FSD1: variants seen among roughly 807,000 people sequenced by gnomAD.
FSD1 encodes the protein fibronectin type III and SPRY domain containing 1, also known as fibronectin type III and SPRY domain-containing protein 1.
FSD1 carries 23 observed loss-of-function variants against 58.2 expected under a neutral mutation model. That is an observed-to-expected ratio of 0.40 (90% CI 0.28 to 0.56). The LOEUF (loss-of-function observed/expected upper bound fraction) is 0.56, where lower values mean the gene tolerates loss of function less well. Ranked by LOEUF, FSD1 falls within the 20% of genes least tolerant of loss-of-function variation. The pLI, the probability that FSD1 is intolerant of heterozygous loss-of-function variation, is 0.54. For synonymous variants in FSD1, 265 were observed against 263.4 expected (o/e 1.01, Z -0.06); for missense variants, 563 against 670.8 (o/e 0.84, Z 1.78).
chr19:4,313,143 C>T (rs1360881159), intron 7 of FSD1, among the ~76,000 whole-genome samples: 1 of 147,742 alleles, frequency 6.8e-6, no homozygotes, highest in Non-Finnish European at 1.5e-5. Context: ...AGGCCAGGAG[C>T]TGGAGACCAG....
intron 1 of FSD1, 51 bp from the exon 2 acceptor site, chr19:4,305,895 T>C (rs766984864): frequency 7.5e-7 from 1 of 1,330,548 alleles, no homozygotes; most frequent in South Asian, 1.2e-5. Context: ...TGTACCTGTG[T>C]GCGCACATGT....
chr19:4,304,782 GCGGGCCCGCAGGGGCGTC>G, intron 1 of FSD1, 21 bp downstream of exon 1: 2 of 621,012 alleles, frequency 3.2e-6, no homozygotes, highest in Non-Finnish European at 4.6e-6. Flanking sequence ...GTGGGGCAGG[GCGGGCCCGCAGGGGCGTC>G]GGGGGCGGGG....
intron 7 of FSD1, among the ~76,000 whole-genome samples, chr19:4,316,344 C>T (rs1020657146): frequency 2.6e-5 from 4 of 151,866 alleles, no homozygotes; most frequent in Non-Finnish European, 5.9e-5. Context: ...TCCGCAGCCT[C>T]CTGAGTAGCT....
At chr19:4,312,820 A>T (rs1026111728) in intron 7 of FSD1, among the ~76,000 whole-genome samples, 10 of 149,500 alleles carry the variant, frequency 6.7e-5, no homozygotes, top group African/African-American at 7.5e-5. Flanking sequence ...ATAAATAAAT[A>T]AATAAATAAA....
chr19:4,312,214 C>G (rs746674613), intron 7 of FSD1, among the ~76,000 whole-genome samples, 163 bp downstream of exon 7: 1 of 152,156 alleles, frequency 6.6e-6, no homozygotes, highest in South Asian at 2.1e-4. Flanking sequence ...AGTGGCCAGG[C>G]GCGGTGGCTC....
At chr19:4,310,340 G>C (rs757101077) in intron 5 of FSD1, 45 bp downstream of exon 5, 6 of 1,610,538 alleles carry the variant, frequency 3.7e-6, no homozygotes, top group Admixed American at 3.3e-5. Flanking sequence ...CCTGCCCCTG[G>C]TGTGAAGACA....
chr19:4,306,467 T>C (rs1971623840), intron 3 of FSD1, 138 bp downstream of exon 3: 2 of 719,418 alleles, frequency 2.8e-6, no homozygotes, highest in African/African-American at 1.8e-5. Flanking sequence ...ACCTGTACAC[T>C]CTCTCTTTTT....
chr19:4,314,418 A>G (rs1219389109), intron 7 of FSD1, among the ~76,000 whole-genome samples: 1 of 152,156 alleles, frequency 6.6e-6, no homozygotes, highest in South Asian at 2.1e-4. Flanking sequence ...AACAAAAAGT[A>G]CAGTGAGGAC....
Position 4,305,815 on chromosome 19 carries a change from T to C in FSD1, c.16-131T>C, listed in dbSNP as rs567479959. 260 of 702,932 alleles carry C rather than the reference T, an allele frequency of 3.7e-4. 1 individual carries two copies. The highest frequency in any genetic ancestry group is 3.4e-3 in the African/African-American group (196 of 58,452). The allele number at this position is 702,932 out of a possible 1,614,324, so 43.5% of individuals were successfully genotyped here. The stretch of plus-strand genomic sequence containing the variant: ...GTGTGCGCATGTGTGTGCATGTGTG[T>C]GCGCACGCGTGTGCATTTATGTACG... On this transcript the variant is annotated intron_variant, in intron 1 of 12. Coordinates refer to ENST00000221856, the MANE Select transcript of FSD1 (RefSeq NM_024333.3).
At chr19:4,317,092 G>A (rs1454123504) in intron 7 of FSD1, 90 bp from the exon 8 acceptor site, 3 of 785,012 alleles carry the variant, frequency 3.8e-6, no homozygotes, top group South Asian at 2.8e-5. Flanking sequence ...AATGGCGTTG[G>A]GAATCACTGT....
intron 7 of FSD1, among the ~76,000 whole-genome samples, chr19:4,313,173 G>A (rs1426856076): frequency 6.7e-6 from 1 of 149,102 alleles, no homozygotes; most frequent in Admixed American, 6.7e-5. Flanking sequence ...CAAAGCAAGA[G>A]CCCATCTATA....
Position 4,311,963 on chromosome 19 carries a change from G to A in FSD1, c.612G>A (p.Arg204=). Residue 204 remains arginine, a synonymous_variant, in exon 7 of 13, where the codon CGG becomes CGA. Coordinates refer to ENST00000221856, the MANE Select transcript of FSD1 (RefSeq NM_024333.3). ...ACCACTACGTGCTGGAGTACCGGCGGACCAACTTCGAGGGCCCGCCCCGCC... is the reference window on the plus strand; with the variant it reads ...ACCACTACGTGCTGGAGTACCGGCGAACCAACTTCGAGGGCCCGCCCCGCC... The part of the protein sequence containing the change: ...KIDHYVLEYR[R]TNFEGPPRLK... 6.2e-7 allele frequency: 1 copy of A among 1,611,636 alleles called. No individual in the cohort carries two copies. Among genetic ancestry groups the A allele is most frequent in the Non-Finnish European group, 8.5e-7 (1 of 1,179,946 alleles).
At chr19:4,315,641 C>T (rs1488216595) in intron 7 of FSD1, among the ~76,000 whole-genome samples, 4 of 118,736 alleles carry the variant, frequency 3.4e-5, no homozygotes, top group Non-Finnish European at 6.8e-5. Flanking sequence ...GTTGCAGTCT[C>T]GCTCTGTCAC....
intron 4 of FSD1, among the ~76,000 whole-genome samples, chr19:4,309,874 A>G (rs866209480): frequency 4.0e-5 from 6 of 148,690 alleles, no homozygotes; most frequent in Admixed American, 1.4e-4. Context: ...GTGCCACTGC[A>G]CTCCAGCCTG....
chr19:4,316,337 G>A (rs1009906419), intron 7 of FSD1, among the ~76,000 whole-genome samples: 2 of 150,434 alleles, frequency 1.3e-5, no homozygotes, highest in Admixed American at 6.6e-5. Flanking sequence ...TTCTCCTTCC[G>A]CAGCCTCCTG....
Position 4,323,707 on chromosome 19 carries a change from G to A in FSD1, c.*64G>A. On this transcript the variant is annotated 3_prime_UTR_variant, in exon 13 of 13. Coordinates refer to ENST00000221856, the MANE Select transcript of FSD1 (RefSeq NM_024333.3). The surrounding 1 kb of genome is among the most constrained non-coding windows in gnomAD (Gnocchi z 7.7). ...AGTCGCCGCCAAGCCCAGGCTGCTG[G>A]AGCCAGGCACCCTCCTCTGTCACTT... 2.6e-6 allele frequency: 3 copies of A among 1,148,500 alleles called. No individual in the cohort carries two copies. The highest frequency in any genetic ancestry group is 3.8e-6 in the Non-Finnish European group (3 of 793,512). The allele number at this position is 1,148,500 out of a possible 1,614,324, so 71.1% of individuals were successfully genotyped here.
At chr19:4,310,161 G>A (rs957396703) in intron 4 of FSD1, 112 bp from the exon 5 acceptor site, 143 of 1,163,224 alleles carry the variant, frequency 1.2e-4, no homozygotes, top group Non-Finnish European at 1.9e-5. Flanking sequence ...GGAGGTGGAG[G>A]TTGCAGTGAG....
At position 4,323,579 on chromosome 19, in the gene FSD1, G is replaced by C; in HGVS notation, c.1427G>C (p.Ser476Thr). The C allele has an allele frequency of 6.2e-7, 1 of 1,613,116 alleles. No homozygotes were observed. The highest frequency in any genetic ancestry group is 8.5e-7 in the Non-Finnish European group (1 of 1,179,752). Reference sequence around the variant, plus strand: ...GTGACGACAGGCCTGCAGGTCCCCAGTGCTGTGCGCTGCCTGCAAAAGCGA... The same window carrying C: ...GTGACGACAGGCCTGCAGGTCCCCACTGCTGTGCGCTGCCTGCAAAAGCGA... ...FQVTTGLQVPSAVRCLQKRGS... is the reference protein window; with the variant it reads ...FQVTTGLQVPTAVRCLQKRGS... Residue 476 changes from serine (S) to threonine (T), a missense_variant, in exon 13 of 13, where the codon AGT becomes ACT. By Grantham distance (58) the Ser-to-Thr change is moderately conservative. Coordinates refer to ENST00000221856, the MANE Select transcript of FSD1 (RefSeq NM_024333.3). This position sits in a 1 kb window ranked among gnomAD's most constrained non-coding sequence, Gnocchi z 7.7.
Position 4,323,530 on chromosome 19 carries a change from C to T in FSD1, c.1381-3C>T. 1 of 1,514,712 alleles carries T rather than the reference C, an allele frequency of 6.6e-7. No individual in the cohort carries two copies. The allele number at this position is 1,514,712 out of a possible 1,614,324, so 93.8% of individuals were successfully genotyped here. On this transcript the variant is annotated splice_polypyrimidine_tract_variant and splice_region_variant and intron_variant, in intron 12 of 12. Transcript: ENST00000221856. This position sits in a 1 kb window ranked among gnomAD's most constrained non-coding sequence, Gnocchi z 7.7. ...CCTCCCCCCTCCCCCCGCTGTCCCTCAGGTATGGTGTGGCAGCTTCCAGGT... is the reference window on the plus strand; with the variant it reads ...CCTCCCCCCTCCCCCCGCTGTCCCTTAGGTATGGTGTGGCAGCTTCCAGGT...
Sources: gnomAD v4.1 joint callset for allele counts (sites outside exome capture counted in the v4.1 genomes callset) on GRCh38, gnomAD v4.1.1 for gene constraint, Gnocchi (gnomAD v3.1) non-coding constraint, MANE v1.5 for transcripts, NCBI Gene and HGNC (gene_info 2026-07-23, HGNC 2026-07-21) for gene names.